The following WHAMM variants were observed in gnomAD, a reference collection of about 807,000 sequenced individuals.
WHAMM encodes the protein WASP homolog associated with actin, golgi membranes and microtubules.
Under a neutral mutation model 76.5 loss-of-function variants are expected in WHAMM, and 67 were observed. The ratio of observed to expected loss-of-function variants is 0.88; its 90% CI spans 0.72 to 1.07. The LOEUF (loss-of-function observed/expected upper bound fraction) is 1.07. Among genes scored for constraint, WHAMM ranks in the 50% least tolerant of loss-of-function variants. The pLI is 0.00. For synonymous variants in WHAMM, 419 were observed against 422.1 expected (o/e 0.99, Z 0.09); for missense variants, 1,021 against 1,051.1 (o/e 0.97, Z 0.40).
chr15:82,818,049 A>G lies in WHAMM; in HGVS notation c.1064A>G (p.Glu355Gly). 1.3e-6 allele frequency: 2 copies of G among 1,552,506 alleles called. No homozygotes were observed. Among genetic ancestry groups the G allele is most frequent in the Non-Finnish European group, 1.7e-6 (2 of 1,148,122 alleles). ...ACTCTGCAACTCATGAGAGCGAAAGAGTTGTGTTTAAATCACAAAAGAGCT... is the reference window on the plus strand; with the variant it reads ...ACTCTGCAACTCATGAGAGCGAAAGGGTTGTGTTTAAATCACAAAAGAGCT... Reference protein sequence around the residue: ...RETLQLMRAKELCLNHKRAEI... With the variant: ...RETLQLMRAKGLCLNHKRAEI... The change falls in exon 4 of 10, where the codon GAG becomes GGG. Residue 355 changes from glutamate to glycine, a missense_variant. This residue lies in a region of WHAMM where 501 missense variants were observed against 524.9 expected (regional missense o/e 0.95). Coordinates refer to ENST00000286760, the MANE Select transcript of WHAMM (RefSeq NM_001080435.3).
At chr15:82,826,904 C>T (rs1024011376) in intron 8 of WHAMM, 58 bp downstream of exon 8, 1 of 1,479,402 alleles carries the variant, frequency 6.8e-7, no homozygotes, top group Non-Finnish European at 9.0e-7. Context: ...TGAAGACCAC[C>T]CTAAAAAAGA....
intron 1 of WHAMM, 63 bp downstream of exon 1, chr15:82,810,398 C>T: frequency 1.6e-6 from 2 of 1,239,542 alleles, no homozygotes; most frequent in South Asian, 3.2e-5. Flanking sequence ...CTGTGGGAGG[C>T]TCCCCCGGCG....
At chr15:82,815,608 T>G (rs1196946656) in intron 2 of WHAMM, among the ~76,000 whole-genome samples, 1 of 152,192 alleles carries the variant, frequency 6.6e-6, no homozygotes, top group Non-Finnish European at 1.5e-5. Context: ...GTCCTGTGAT[T>G]ACTCAATGTT....
At position 82,819,490 on chromosome 15, in the gene WHAMM, T is replaced by G; in HGVS notation, c.1270+2T>G. 8.1e-7 allele frequency: 1 copy of G among 1,229,482 alleles called. No homozygotes were observed. Among genetic ancestry groups the G allele is most frequent in the Admixed American group, 3.9e-5 (1 of 25,502 alleles). 76.2% of individuals were successfully genotyped at this position (1,229,482 alleles called of 1,614,324 possible). ...ACTCTCTTAAAAGACTTATAAAAGG[T>G]AAAATTTAAGTATATAGATTGCAAT... On this transcript the variant is annotated splice_donor_variant, in intron 5 of 9. Transcript: ENST00000286760. LOFTEE classifies it high-confidence loss of function.
At chr15:82,810,495 C>CGCTGCGGGAAACCGGCGGGA in intron 1 of WHAMM, 160 bp downstream of exon 1, 4 of 985,414 alleles carry the variant, frequency 4.1e-6, no homozygotes, top group Non-Finnish European at 3.6e-6. Flanking sequence ...TGCGCGGGAC[C>CGCTGCGGGAAACCGGCGGGA]GCTGCGGGAA....
chr15:82,835,423 C>G lies in WHAMM; in HGVS notation c.*1887C>G, dbSNP rs982924507. ...ACAGGCGTGAGCCACCACACCTGGCCTTCCAGTGTCTTAACTAACTGGTAC... is the reference window on the plus strand; with the variant it reads ...ACAGGCGTGAGCCACCACACCTGGCGTTCCAGTGTCTTAACTAACTGGTAC... On this transcript the variant is annotated 3_prime_UTR_variant, in exon 10 of 10. Transcript: ENST00000286760. 3 of 152,418 alleles carry G rather than the reference C, an allele frequency of 2.0e-5. No individual in the cohort carries two copies. The highest frequency in any genetic ancestry group is 7.2e-5 in the African/African-American group (3 of 41,476). The allele number at this position is 152,418 out of a possible 1,614,324, so 9.4% of individuals were successfully genotyped here.
chr15:82,810,391 T>A, intron 1 of WHAMM, 56 bp downstream of exon 1: 4 of 1,245,470 alleles, frequency 3.2e-6, no homozygotes, highest in Non-Finnish European at 4.0e-6. Context: ...TGGGACACTG[T>A]GGGAGGCTCC....
rs931392355 is a variant in WHAMM at position 82,833,511 on chromosome 15, A to G, written c.2405A>G (p.Gln802Arg). ...SADSEEDSDE[Q>R]DPGQWDG ...GACTCTGAGGAGGACAGTGATGAGC[A>G]GGACCCTGGCCAGTGGGATGGTTAG... Residue 802 changes from glutamine (Q) to arginine (R), a missense_variant, in exon 10 of 10, where the codon CAG becomes CGG. Transcript: ENST00000286760. 4 of 1,613,880 alleles carry G rather than the reference A, an allele frequency of 2.5e-6. No individual in the cohort carries two copies. Among genetic ancestry groups the G allele is most frequent in the Non-Finnish European group, 3.4e-6 (4 of 1,179,860 alleles).
intron 1 of WHAMM, among the ~76,000 whole-genome samples, chr15:82,812,478 T>A (rs1207304176): frequency 6.6e-6 from 1 of 152,206 alleles, no homozygotes; most frequent in Non-Finnish European, 1.5e-5. Flanking sequence ...TCCGCCCACC[T>A]CAGCCTCCCA....
chr15:82,827,477 T>G (rs974507132), intron 8 of WHAMM, among the ~76,000 whole-genome samples: 6 of 152,274 alleles, frequency 3.9e-5, no homozygotes, highest in Admixed American at 3.3e-4. Flanking sequence ...CTATGAAAAT[T>G]CAAAAAATAA....
chr15:82,811,275 A>T (rs1253441406), intron 1 of WHAMM, among the ~76,000 whole-genome samples: 1 of 152,226 alleles, frequency 6.6e-6, no homozygotes, highest in Non-Finnish European at 1.5e-5. Flanking sequence ...TGAGGAAACC[A>T]CAGGGGAGTT....
rs71156055 is a variant in WHAMM at position 82,824,162 on chromosome 15, C to CTTTTTTTTTTTT, written c.1458+877_1458+888dup. Among the ~76,000 whole-genome samples the CTTTTTTTTTTTT allele has an allele frequency of 7.9e-3, 931 of 117,838 alleles. 75 individuals carry two copies. The highest frequency in any genetic ancestry group is 0.011 in the East Asian group (48 of 4,216). 77.3% of individuals were successfully genotyped at this position (117,838 alleles called of 152,430 possible). The stretch of plus-strand genomic sequence containing the variant: ...TACTCATATTTACTATACTTTTCTC[C>CTTTTTTTTTTTT]TTTTTTTTTTTTTGAAACAGAGTCT... On this transcript the variant is annotated intron_variant, in intron 6 of 9. Transcript: ENST00000286760.
chr15:82,810,512 G>T (rs1324241281), intron 1 of WHAMM, 177 bp downstream of exon 1: 1 of 985,322 alleles, frequency 1.0e-6, no homozygotes, highest in African/African-American at 1.7e-5. Context: ...GGAAACCGGC[G>T]GGAGCTGCGG....
At chr15:82,817,823 G>T (rs1461417046) in intron 3 of WHAMM, 97 bp from the exon 4 acceptor site, 1 of 947,606 alleles carries the variant, frequency 1.1e-6, no homozygotes, top group African/African-American at 1.7e-5. Flanking sequence ...AGGATATTCT[G>T]CAGGTAGTAT....
At chr15:82,815,340 A>G (rs2050709931) in intron 2 of WHAMM, among the ~76,000 whole-genome samples, 1 of 151,684 alleles carries the variant, frequency 6.6e-6, no homozygotes, top group Non-Finnish European at 1.5e-5. Context: ...GCATTATTCA[A>G]TATGTGGTCC....
chr15:82,826,869 T>C (rs1383317169), intron 8 of WHAMM, 23 bp downstream of exon 8: 10 of 1,315,696 alleles, frequency 7.6e-6, no homozygotes, highest in South Asian at 6.3e-5. Flanking sequence ...AACAATCACC[T>C]CATCTACACT....
chr15:82,833,462 C>T lies in WHAMM; in HGVS notation c.2356C>T (p.Gln786Ter). 1 of 1,614,004 alleles carries T rather than the reference C, an allele frequency of 6.2e-7. No homozygotes were observed. The highest frequency in any genetic ancestry group is 8.5e-7 in the Non-Finnish European group (1 of 1,179,896). Residue 786 changes from glutamine to a stop codon, truncating the protein, a stop_gained, in exon 10 of 10, where the codon CAG becomes TAG. Transcript: ENST00000286760. LOFTEE classifies it high-confidence loss of function. ...DLERSIKAAL[Q>*]RIKRVSADSE... ...TGAGAGGAGCATCAAGGCTGCGCTC[C>T]AGAGAATCAAGAGGGTGTCTGCTGA...
intron 5 of WHAMM, among the ~76,000 whole-genome samples, chr15:82,820,525 C>T (rs1707240663): frequency 6.6e-6 from 1 of 152,074 alleles, no homozygotes; most frequent in African/African-American, 2.4e-5. Flanking sequence ...ATACATTTTT[C>T]CTCACCTCCA....
chr15:82,810,242 T>TGAGGGCGGCGCGGCCGACTGCG lies in WHAMM; in HGVS notation c.517_538dup (p.Glu180GlyfsTer54). 7 of 1,401,720 alleles carry TGAGGGCGGCGCGGCCGACTGCG rather than the reference T, an allele frequency of 5.0e-6. No homozygotes were observed. Among genetic ancestry groups the TGAGGGCGGCGCGGCCGACTGCG allele is most frequent in the Non-Finnish European group, 6.5e-6 (7 of 1,078,686 alleles). 86.8% of individuals were successfully genotyped at this position (1,401,720 alleles called of 1,614,324 possible). On this transcript the variant is annotated frameshift_variant, in exon 1 of 10. Transcript: ENST00000286760. LOFTEE classifies it high-confidence loss of function. ...CAGTGCGCGACGCACTCTTCCCGGC[T>TGAGGGCGGCGCGGCCGACTGCG]GAGGGCGGCGCGGCCGACTGCGAAA...
Sources: gnomAD v4.1 joint callset for allele counts (sites outside exome capture counted in the v4.1 genomes callset) on GRCh38, gnomAD v4.1.1 for gene constraint, gnomAD v4.1.1 regional missense constraint, MANE v1.5 for transcripts, NCBI Gene and HGNC (gene_info 2026-07-23, HGNC 2026-07-21) for gene names.